Variants in DRAM1 observed in about 807,000 individuals in gnomAD.
DRAM1 encodes DNA damage regulated autophagy modulator 1.
Under a neutral mutation model 28.5 loss-of-function variants are expected in DRAM1, and 25 were observed. That is an observed-to-expected ratio of 0.88 (90% CI 0.64 to 1.23). The LOEUF is 1.23. DRAM1 is among the 50% of genes most tolerant of loss of function. The pLI is 0.00. For synonymous variants in DRAM1, 113 were observed against 114.2 expected (o/e 0.99, Z 0.07); for missense variants, 249 against 299.2 (o/e 0.83, Z 1.24).
chr12:101,880,279 T>A (rs1872648560), intron 1 of DRAM1, among the ~76,000 whole-genome samples: 3 of 20,376 alleles, frequency 1.5e-4, no homozygotes, highest in Non-Finnish European at 2.1e-4. Flanking sequence ...CAATGCTTCC[T>A]TTTTTTTTTT....
At chr12:101,892,123 CA>C (rs1406374942) in intron 1 of DRAM1, among the ~76,000 whole-genome samples, 2 of 151,636 alleles carry the variant, frequency 1.3e-5, no homozygotes, top group African/African-American at 4.8e-5. Flanking sequence ...TCCAAAAAAG[CA>C]AAAAACAAAC....
intron 1 of DRAM1, among the ~76,000 whole-genome samples, chr12:101,896,690 C>G (rs979792878): frequency 3.3e-5 from 5 of 152,016 alleles, no homozygotes; most frequent in Admixed American, 6.6e-5. Flanking sequence ...TACAGAAACC[C>G]TTTTTTGTTA....
intron 1 of DRAM1, among the ~76,000 whole-genome samples, chr12:101,894,854 C>T (rs553707286): frequency 2.6e-5 from 4 of 152,310 alleles, no homozygotes; most frequent in Admixed American, 2.0e-4. Context: ...TCTGTGTTTG[C>T]TCCGATGCCT....
chr12:101,909,271 A>AAAAAAAAAAAT (rs1873947934), intron 4 of DRAM1, among the ~76,000 whole-genome samples: 1 of 151,922 alleles, frequency 6.6e-6, no homozygotes, highest in African/African-American at 2.4e-5. Context: ...CAAAAAAAAA[A>AAAAAAAAAAAT]GTGTAGATCA....
intron 3 of DRAM1, among the ~76,000 whole-genome samples, chr12:101,903,685 T>G (rs1469077020): frequency 6.6e-6 from 1 of 152,150 alleles, no homozygotes; most frequent in Non-Finnish European, 1.5e-5. Flanking sequence ...TTAAATGTTC[T>G]CATCACAAAA....
At chr12:101,893,938 A>T (rs891880342) in intron 1 of DRAM1, among the ~76,000 whole-genome samples, 36 of 151,130 alleles carry the variant, frequency 2.4e-4, no homozygotes, top group East Asian at 1.2e-3. Flanking sequence ...TTAATTAATT[A>T]ATTTATTTTT....
intron 1 of DRAM1, among the ~76,000 whole-genome samples, chr12:101,895,186 GTTTTTTTTTTTTTT>G (rs574722379): frequency 3.4e-4 from 26 of 75,736 alleles, no homozygotes; most frequent in African/African-American, 1.3e-3. Context: ...AACCCTTCAG[GTTTTTTTTTTTTTT>G]TTTTTTTTTT....
chr12:101,879,236 G>C (rs1024748998), intron 1 of DRAM1, among the ~76,000 whole-genome samples: 2 of 152,114 alleles, frequency 1.3e-5, no homozygotes, highest in African/African-American at 2.4e-5. Flanking sequence ...GACCTCAAGT[G>C]ATCCTCTTGC....
intron 5 of DRAM1, among the ~76,000 whole-genome samples, chr12:101,917,331 C>T (rs567089761): frequency 1.1e-3 from 175 of 152,208 alleles, no homozygotes; most frequent in Non-Finnish European, 2.2e-3. Flanking sequence ...GTAATGGAAG[C>T]CTGCCAAGAC....
intron 5 of DRAM1, among the ~76,000 whole-genome samples, chr12:101,917,681 T>G (rs1453469550): frequency 2.2e-5 from 3 of 134,464 alleles, no homozygotes; most frequent in African/African-American, 3.1e-5. Context: ...GCAACAAGAG[T>G]GAGACTCCAT....
chr12:101,879,627 A>AT (rs1872620147), intron 1 of DRAM1, among the ~76,000 whole-genome samples: 1 of 152,058 alleles, frequency 6.6e-6, no homozygotes, highest in African/African-American at 2.4e-5. Flanking sequence ...TTGGTTTCTC[A>AT]TGGCACATCT....
intron 3 of DRAM1, 155 bp downstream of exon 3, chr12:101,901,588 A>G (rs1296800741): frequency 1.2e-6 from 1 of 863,240 alleles, no homozygotes; most frequent in Non-Finnish European, 1.7e-6. Context: ...AGAAACCTTT[A>G]ACATTTGGAA....
intron 4 of DRAM1, among the ~76,000 whole-genome samples, chr12:101,910,691 C>A (rs1247240504): frequency 6.6e-6 from 1 of 151,656 alleles, no homozygotes; most frequent in African/African-American, 2.4e-5. Context: ...GTTGGCCAGG[C>A]TGGTGTCAAA....
intron 3 of DRAM1, among the ~76,000 whole-genome samples, chr12:101,906,128 T>A (rs1873798330): frequency 6.6e-6 from 1 of 152,226 alleles, no homozygotes; most frequent in South Asian, 2.1e-4. Context: ...ATATGATGTA[T>A]TGCAGAGTCA....
intron 1 of DRAM1, among the ~76,000 whole-genome samples, chr12:101,896,081 T>G (rs1873359492): frequency 1.3e-5 from 2 of 151,988 alleles, no homozygotes; most frequent in Admixed American, 1.3e-4. Flanking sequence ...AGAGATGGGA[T>G]TTCATCATGT....
At chr12:101,921,110 ATAGTGAGATCATTCC>A in intron 6 of DRAM1, 91 bp from the exon 7 acceptor site, 1 of 849,058 alleles carries the variant, frequency 1.2e-6, no homozygotes, top group Non-Finnish European at 2.0e-6. Context: ...AGCACAAACC[ATAGTGAGATCATTCC>A]TTAGGTGGTG....
Position 101,877,678 on chromosome 12 carries a change from C to A in DRAM1, c.-112C>A. 1 of 786,926 alleles carries A rather than the reference C, an allele frequency of 1.3e-6. No individual in the cohort carries two copies. The highest frequency in any genetic ancestry group is 1.7e-6 in the Non-Finnish European group (1 of 590,772). 48.7% of individuals were successfully genotyped at this position (786,926 alleles called of 1,614,324 possible). On this transcript the variant is annotated 5_prime_UTR_variant, in exon 1 of 7. Coordinates refer to ENST00000258534, the MANE Select transcript of DRAM1 (RefSeq NM_018370.3). This position sits in a 1 kb window ranked among gnomAD's most constrained non-coding sequence, Gnocchi z 4.1. ...CTGCCCCGGCCGTCGCGGAGCCTCC[C>A]CTCCCACCGTCCGTGAGTGTACGCG...
intron 1 of DRAM1, among the ~76,000 whole-genome samples, chr12:101,883,217 G>A (rs1049737433): frequency 4.0e-5 from 6 of 151,084 alleles, no homozygotes; most frequent in African/African-American, 7.3e-5. Context: ...TGTGTGTGAT[G>A]GAGGGAGGAG....
intron 4 of DRAM1, among the ~76,000 whole-genome samples, chr12:101,908,853 C>T (rs745661425): frequency 4.0e-5 from 6 of 148,248 alleles, no homozygotes; most frequent in Non-Finnish European, 7.4e-5. Flanking sequence ...ATCTTTGTCA[C>T]CGTGTCTTAG....
Sources: gnomAD v4.1 joint callset for allele counts (sites outside exome capture counted in the v4.1 genomes callset) on GRCh38, gnomAD v4.1.1 for gene constraint, Gnocchi (gnomAD v3.1) non-coding constraint, MANE v1.5 for transcripts, NCBI Gene and HGNC (gene_info 2026-07-23, HGNC 2026-07-21) for gene names.